The following MID1 variants were observed in gnomAD, a reference collection of about 807,000 sequenced individuals.
The protein encoded by MID1 is E3 ubiquitin-protein ligase Midline-1.
Under a neutral mutation model 40.4 loss-of-function variants are expected in MID1, and 7 were observed. That is an observed-to-expected ratio of 0.17 (90% CI 0.10 to 0.33). The LOEUF (loss-of-function observed/expected upper bound fraction) is 0.33. Ranked by LOEUF, MID1 falls within the 10% of genes least tolerant of loss-of-function variation. The pLI is 1.00. For missense variants in MID1, 367 were observed against 558.5 expected (o/e 0.66, Z 3.46); for synonymous variants, 229 against 221.2 (o/e 1.04, Z -0.31).
At chrX:10,765,146 A>ACC (rs1185184145) in intron 1 of MID1, among the ~76,000 whole-genome samples, 1 of 111,960 alleles carries the variant, frequency 8.9e-6, no homozygotes, top group East Asian at 2.8e-4. Context: ...AGACATGCTA[A>ACC]AGAAGTATTC....
intron 1 of MID1, among the ~76,000 whole-genome samples, chrX:10,827,471 C>CAGAGAG (rs58413595): frequency 3.5e-5 from 3 of 85,129 alleles, no homozygotes; most frequent in Non-Finnish European, 7.0e-5. Context: ...GCCCACCAGC[C>CAGAGAG]AGAGAGAGAG....
Position 10,562,798 on chromosome X carries a change from G to A in MID1, c.660+4090C>T, listed in dbSNP as rs1431156028. On this transcript the variant is annotated intron_variant, in intron 2 of 9. Transcript: ENST00000317552. Reference sequence around the variant, plus strand: ...ATTGCTATGTTTGTTGTCATCTCTTGCCTGCAGAATGAAATATCCCTAATG... The same window carrying A: ...ATTGCTATGTTTGTTGTCATCTCTTACCTGCAGAATGAAATATCCCTAATG... 1.9e-5 allele frequency among the ~76,000 whole-genome samples: 2 copies of A among 106,255 alleles called. 1 individual carries two copies. Among genetic ancestry groups the A allele is most frequent in the African/African-American group, 7.5e-5 (2 of 26,540 alleles). The allele number at this position is 106,255 out of a possible 115,157, so 92.3% of individuals were successfully genotyped here.
rs777603061 is a variant in MID1 at position 10,667,325 on chromosome X, C to CGGA, written c.-186-46909_-186-46907dup. On this transcript the variant is annotated intron_variant, in intron 1 of 10. Coordinates refer to the MID1 transcript ENST00000380785. Reference sequence around the variant, plus strand: ...GAGTGGGGGTGGGGTAAAGGCACCTCGGAGTGCATGCTGGGATTAGGGCTA... The same window carrying CGGA: ...GAGTGGGGGTGGGGTAAAGGCACCTCGGAGGAGTGCATGCTGGGATTAGGGCTA... Among the ~76,000 whole-genome samples, 3 of 111,459 alleles carry CGGA rather than the reference C, an allele frequency of 2.7e-5. No homozygotes were observed. In the East Asian group the frequency reaches 8.5e-4, roughly 31 times the overall value.
In MID1 at chrX:10,464,961, G is replaced by C. The variant is rs1929254325; in HGVS notation, c.1285+4736C>G. On this transcript the variant is annotated intron_variant, in intron 7 of 9. Coordinates refer to ENST00000317552, the MANE Select transcript of MID1 (RefSeq NM_000381.4). The stretch of plus-strand genomic sequence containing the variant: ...ACACTTTGGGAGGCCAAGGTGGGTG[G>C]ATCACTTGAGGCCAGGAGTTGAGAC... 2.7e-5 allele frequency among the ~76,000 whole-genome samples: 3 copies of C among 109,933 alleles called. No homozygotes were observed. In the Admixed American group the frequency reaches 2.9e-4, roughly 11 times the overall value.
chrX:10,713,614 C>A (rs1281127996), intron 1 of MID1, among the ~76,000 whole-genome samples: 1 of 112,794 alleles, frequency 8.9e-6, no homozygotes, highest in Non-Finnish European at 1.9e-5. Context: ...AGGCGTGAGC[C>A]ACTGTGCCTG....
intron 1 of MID1, among the ~76,000 whole-genome samples, chrX:10,770,699 G>A (rs2043760242): frequency 8.9e-6 from 1 of 112,126 alleles, no homozygotes; most frequent in South Asian, 3.7e-4. Context: ...CCTTATGAGG[G>A]AAATTAATCT....
intron 1 of MID1, among the ~76,000 whole-genome samples, chrX:10,741,372 A>G (rs973885028): frequency 1.8e-5 from 2 of 111,042 alleles, no homozygotes; most frequent in Non-Finnish European, 3.8e-5. Flanking sequence ...GGAAGTGCAG[A>G]TCAAGACAGT....
At chrX:10,807,940 T>A (rs1450165030) in intron 1 of MID1, among the ~76,000 whole-genome samples, 1 of 112,243 alleles carries the variant, frequency 8.9e-6, no homozygotes, top group Non-Finnish European at 1.9e-5. Flanking sequence ...GCCAGAAACA[T>A]TCAGCACATT....
chrX:10,702,225 G>C (rs1015851336), intron 1 of MID1, among the ~76,000 whole-genome samples: 1 of 112,152 alleles, frequency 8.9e-6, no homozygotes, highest in Non-Finnish European at 1.9e-5. Flanking sequence ...CTGTGGTTTC[G>C]AAATTTCCCT....
intron 1 of MID1, among the ~76,000 whole-genome samples, chrX:10,771,560 C>T (rs2043769604): frequency 9.3e-6 from 1 of 107,975 alleles, no homozygotes; most frequent in African/African-American, 3.4e-5. Context: ...GGTGCAATCT[C>T]AGCTTACTGC....
chrX:10,583,537 A>C (rs1935065606), intron 1 of MID1, among the ~76,000 whole-genome samples: 1 of 112,391 alleles, frequency 8.9e-6, no homozygotes, highest in South Asian at 3.7e-4. Flanking sequence ...AGGGCATAGA[A>C]ATCCAACTTT....
intron 1 of MID1, among the ~76,000 whole-genome samples, chrX:10,715,690 G>A (rs930630045): frequency 4.5e-5 from 5 of 111,903 alleles, no homozygotes; most frequent in Non-Finnish European, 9.4e-5. Flanking sequence ...CAGCTTTGAA[G>A]AGAGTAGCGG....
Position 10,535,603 on chromosome X carries a change from G to A in MID1, c.661-12416C>T, listed in dbSNP as rs143984291. On this transcript the variant is annotated intron_variant, in intron 2 of 9. Transcript: ENST00000317552. ...TTTCTTGCATTCGAGTATTCCCAAT[G>A]CCTAAAAAGAGCTACTGAATGGTCA... Among the ~76,000 whole-genome samples, 379 of 111,643 alleles carry A rather than the reference G, an allele frequency of 3.4e-3. 2 individuals carry two copies. Among genetic ancestry groups the A allele is most frequent in the African/African-American group, 0.012 (364 of 30,767 alleles).
At chrX:10,551,008 C>T (rs1199882008) in intron 2 of MID1, among the ~76,000 whole-genome samples, 2 of 111,231 alleles carry the variant, frequency 1.8e-5, no homozygotes, top group Non-Finnish European at 3.8e-5. Context: ...GTTCCAGGAC[C>T]CCTATGAATA....
intron 2 of MID1, among the ~76,000 whole-genome samples, chrX:10,533,332 GAAA>G (rs1269882632): frequency 2.7e-4 from 12 of 43,708 alleles, no homozygotes; most frequent in African/African-American, 1.1e-3. Context: ...AGAAAGGAAA[GAAA>G]GAAAGAAAGA....
intron 1 of MID1, among the ~76,000 whole-genome samples, chrX:10,602,911 A>T (rs974570567): frequency 8.9e-6 from 1 of 112,340 alleles, no homozygotes; most frequent in African/African-American, 3.2e-5. Context: ...TCAGTTTCAG[A>T]TCTAAGCTCT....
intron 1 of MID1, among the ~76,000 whole-genome samples, chrX:10,760,861 G>A (rs190266368): frequency 9.0e-6 from 1 of 111,013 alleles, no homozygotes; most frequent in East Asian, 2.8e-4. Context: ...AAAACAAAAC[G>A]GAAAAACCCC....
At chrX:10,713,345 A>T (rs1164809967) in intron 1 of MID1, among the ~76,000 whole-genome samples, 3 of 102,990 alleles carry the variant, frequency 2.9e-5, no homozygotes, top group African/African-American at 1.1e-4. Context: ...TTTTTTTGAG[A>T]CAGGATCTCG....
At chrX:10,712,997 C>T (rs765748983) in intron 1 of MID1, among the ~76,000 whole-genome samples, 2 of 110,503 alleles carry the variant, frequency 1.8e-5, no homozygotes, top group African/African-American at 6.6e-5. Context: ...CCACCACACC[C>T]GGCTAATTTT....
Sources: gnomAD v4.1 joint callset for allele counts (sites outside exome capture counted in the v4.1 genomes callset) on GRCh38, gnomAD v4.1.1 for gene constraint, MANE v1.5 for transcripts, NCBI Gene and HGNC (gene_info 2026-07-23, HGNC 2026-07-21) for gene names.